The following EAF2 variants were observed in gnomAD, a reference collection of about 807,000 sequenced individuals.
EAF2 encodes the protein ELL associated factor 2, also known as ELL-associated factor 2.
Under a neutral mutation model 29.4 loss-of-function variants are expected in EAF2, and 29 were observed. The ratio of observed to expected loss-of-function variants is 0.99; its 90% CI spans 0.73 to 1.35. The LOEUF (loss-of-function observed/expected upper bound fraction) is 1.35. Among genes scored for constraint, EAF2 ranks in the 40% most tolerant of loss-of-function variants. The pLI is 0.00. For synonymous variants in EAF2, 103 were observed against 102.5 expected, an observed-to-expected ratio of 1.00 and a Z score of -0.03; for missense variants, 292 against 312.0, an observed-to-expected ratio of 0.94 and a Z score of 0.48.
rs1708512334 is a variant in EAF2, at chr3:121,845,458, A to AG, written c.201+911_201+912insG. Among the ~76,000 whole-genome samples the AG allele has an allele frequency of 2.0e-5, 3 of 148,094 alleles. No individual in the cohort carries two copies. In the East Asian group the frequency reaches 5.8e-4, roughly 29 times the overall value. ...TACATCTCAAAAAAAAAAAAAAAAA[A>AG]AAAAGAAAGAAAGAAAAAGAAAAAG... On this transcript the variant is annotated intron_variant, in intron 2 of 5. Transcript: ENST00000273668.
At chr3:121,847,669 G>A (rs375943653) in intron 2 of EAF2, among the ~76,000 whole-genome samples, 74 of 152,228 alleles carry the variant, frequency 4.9e-4, no homozygotes, top group African/African-American at 1.8e-3. Context: ...TATGCAAGGA[G>A]AAGGGTTCTG....
intron 5 of EAF2, among the ~76,000 whole-genome samples, chr3:121,873,373 A>T (rs1709049475): frequency 6.6e-6 from 1 of 151,838 alleles, no homozygotes; most frequent in Admixed American, 6.6e-5. Flanking sequence ...CTTCCTCTTT[A>T]CAGTGTAGCC....
At chr3:121,868,602 A>G (rs1344866947) in intron 4 of EAF2, among the ~76,000 whole-genome samples, 3 of 152,190 alleles carry the variant, frequency 2.0e-5, no homozygotes, top group Admixed American at 1.3e-4. Flanking sequence ...CATCTCAAAA[A>G]TAAATAAATA....
intron 5 of EAF2, among the ~76,000 whole-genome samples, chr3:121,875,696 A>G (rs149026925): frequency 2.6e-5 from 4 of 152,184 alleles, no homozygotes; most frequent in African/African-American, 9.6e-5. Context: ...ATTCAAAGAG[A>G]TAAATGAAGA....
At chr3:121,848,911 A>G (rs747411520) in intron 2 of EAF2, among the ~76,000 whole-genome samples, 9 of 152,080 alleles carry the variant, frequency 5.9e-5, no homozygotes, top group African/African-American at 9.7e-5. Context: ...AGAATGAAAG[A>G]GTTATTTAGA....
chr3:121,845,228 A>G (rs1708504963), intron 2 of EAF2, among the ~76,000 whole-genome samples: 1 of 152,080 alleles, frequency 6.6e-6, no homozygotes, highest in Non-Finnish European at 1.5e-5. Flanking sequence ...TCACGAGGTC[A>G]AGAGTTCCAG....
At chr3:121,865,024 T>C (rs1402274040) in intron 4 of EAF2, among the ~76,000 whole-genome samples, 2 of 152,198 alleles carry the variant, frequency 1.3e-5, no homozygotes, top group Non-Finnish European at 2.9e-5. Flanking sequence ...ACAATAATTT[T>C]ACAGTACAAG....
At chr3:121,859,839 A>G (rs1244838166) in intron 4 of EAF2, among the ~76,000 whole-genome samples, 2 of 152,198 alleles carry the variant, frequency 1.3e-5, no homozygotes, top group Non-Finnish European at 2.9e-5. Context: ...ATTTTGAGAT[A>G]CGTTCCATCA....
At chr3:121,867,285 A>G (rs1337327601) in intron 4 of EAF2, among the ~76,000 whole-genome samples, 4 of 152,226 alleles carry the variant, frequency 2.6e-5, no homozygotes, top group Non-Finnish European at 4.4e-5. Flanking sequence ...AAACCCACAG[A>G]TGTAAAAACC....
rs764926469 is a variant in EAF2, at chr3:121,854,828, G to A, written c.338+5G>A. 13 of 1,546,990 alleles carry A rather than the reference G, an allele frequency of 8.4e-6. No individual in the cohort carries two copies. Among genetic ancestry groups the A allele is most frequent in the Non-Finnish European group, 1.0e-5 (12 of 1,159,196 alleles). On this transcript the variant is annotated splice_donor_5th_base_variant and intron_variant, in intron 3 of 5. Transcript: ENST00000273668. The stretch of plus-strand genomic sequence containing the variant: ...CATCACTGTAAAAAAAACAAGGTAT[G>A]TGGTTTAATGAAATAAATTATATTA...
chr3:121,851,922 A>G (rs891876945), intron 2 of EAF2, among the ~76,000 whole-genome samples: 3 of 152,312 alleles, frequency 2.0e-5, no homozygotes, highest in African/African-American at 2.4e-5. Context: ...TTCTTGGGGT[A>G]TTGAATAAGG....
chr3:121,862,283 TTCTC>T lies in EAF2; in HGVS notation c.484+5131_484+5134del, dbSNP rs1223603224. 2.0e-5 allele frequency among the ~76,000 whole-genome samples: 3 copies of T among 152,370 alleles called. No homozygotes were observed. In the East Asian group the frequency reaches 5.8e-4, roughly 29 times the overall value. ...AAGAGTGTTTTCCAACTTGTTTCCATTCTCTCTGTCACTTTCAGATACACCAATC... is the reference window on the plus strand; with the variant it reads ...AAGAGTGTTTTCCAACTTGTTTCCATTCTGTCACTTTCAGATACACCAATC... On this transcript the variant is annotated intron_variant, in intron 4 of 5. Transcript: ENST00000273668.
chr3:121,859,365 C>T (rs996069526), intron 4 of EAF2, among the ~76,000 whole-genome samples: 18 of 152,008 alleles, frequency 1.2e-4, no homozygotes, highest in African/African-American at 4.4e-4. Context: ...GTTTGTATTT[C>T]TGCTTGAAGA....
intron 4 of EAF2, among the ~76,000 whole-genome samples, chr3:121,859,468 G>A (rs956795578): frequency 6.6e-6 from 1 of 152,038 alleles, no homozygotes; most frequent in Non-Finnish European, 1.5e-5. Flanking sequence ...TTGGCTCTCT[G>A]TTTGTTTGTT....
chr3:121,877,791 G>A (rs963035215), intron 5 of EAF2, among the ~76,000 whole-genome samples: 2 of 152,050 alleles, frequency 1.3e-5, no homozygotes, highest in Non-Finnish European at 2.9e-5. Context: ...TTATTTTAGA[G>A]ATGGAGTCTC....
chr3:121,878,948 T>C (rs548310665), intron 5 of EAF2, among the ~76,000 whole-genome samples: 18 of 152,294 alleles, frequency 1.2e-4, no homozygotes, highest in African/African-American at 4.3e-4. Context: ...ATATAGTTTT[T>C]TGAGGACCCT....
intron 2 of EAF2, among the ~76,000 whole-genome samples, chr3:121,849,271 G>A (rs1317862850): frequency 6.6e-6 from 1 of 151,744 alleles, no homozygotes; most frequent in Non-Finnish European, 1.5e-5. Context: ...TCTTTGATAG[G>A]GTAGATTTTC....
intron 5 of EAF2, among the ~76,000 whole-genome samples, chr3:121,874,697 T>G (rs1411248270): frequency 6.6e-6 from 1 of 151,966 alleles, no homozygotes; most frequent in Non-Finnish European, 1.5e-5. Context: ...TAGAATAGTT[T>G]TTTAGTAAAA....
At position 121,854,697 on chromosome 3, in the gene EAF2, C is replaced by T. The variant is rs143406125; in HGVS notation, c.212C>T (p.Pro71Leu). The T allele has an allele frequency of 1.3e-6, 2 of 1,545,184 alleles. No individual in the cohort carries two copies. The highest frequency in any genetic ancestry group is 1.7e-6 in the Non-Finnish European group (2 of 1,158,932). The change falls in exon 3 of 6, where the codon CCA becomes CTA. Residue 71 changes from proline to leucine, a missense_variant. By Grantham distance (98) the Pro-to-Leu change is moderately conservative (BLOSUM62 -3). Transcript: ENST00000273668. ...TAACTTTTTAAACAGGGTTCAACTC[C>T]ACCAGTAACTGTTTTCAAAGGTTCA... ...ITLPNIEGSTPPVTVFKGSKK... is the reference protein window; with the variant it reads ...ITLPNIEGSTLPVTVFKGSKK...
Sources: gnomAD v4.1 joint callset for allele counts (sites outside exome capture counted in the v4.1 genomes callset) on GRCh38, gnomAD v4.1.1 for gene constraint, MANE v1.5 for transcripts, NCBI Gene and HGNC (gene_info 2026-07-23, HGNC 2026-07-21) for gene names.